CNTN4: variants seen among roughly 807,000 people sequenced by gnomAD.
CNTN4 encodes contactin 4.
CNTN4 carries 77 observed loss-of-function variants against 122.5 expected under a neutral mutation model. The ratio of observed to expected loss-of-function variants is 0.63; its 90% CI spans 0.52 to 0.76. The LOEUF (loss-of-function observed/expected upper bound fraction) is 0.76, where lower values mean the gene tolerates loss of function less well. CNTN4 is among the 30% of genes least tolerant of loss of function. CNTN4 has a pLI of 0.00. For synonymous variants in CNTN4, 512 were observed against 447.0 expected (o/e 1.15, Z -1.83); for missense variants, 1,256 against 1,259.1 (o/e 1.00, Z 0.04).
intron 2 of CNTN4, among the ~76,000 whole-genome samples, chr3:2,255,522 A>G (rs2149708635): frequency 6.6e-6 from 1 of 151,962 alleles, no homozygotes; most frequent in South Asian, 2.1e-4. Context: ...ATTGGAAGTA[A>G]ACTCTAATAA....
At chr3:2,383,619 C>T (rs1377800203) in intron 3 of CNTN4, among the ~76,000 whole-genome samples, 3 of 151,516 alleles carry the variant, frequency 2.0e-5, no homozygotes. Flanking sequence ...TGCTCCCTCT[C>T]CCTCTCTCCC....
intron 8 of CNTN4, among the ~76,000 whole-genome samples, chr3:2,867,899 G>T (rs1157234423): frequency 4.6e-5 from 7 of 152,096 alleles, no homozygotes; most frequent in Non-Finnish European, 7.4e-5. Context: ...CACCTCTGCT[G>T]CACCTGGTTT....
intron 16 of CNTN4, among the ~76,000 whole-genome samples, chr3:3,031,315 T>C (rs1368322530): frequency 6.6e-6 from 1 of 152,176 alleles, no homozygotes; most frequent in Non-Finnish European, 1.5e-5. Context: ...AAACTGTCCC[T>C]TTTTATGTTT....
intron 4 of CNTN4, among the ~76,000 whole-genome samples, chr3:2,686,595 C>G (rs140180892): frequency 5.9e-4 from 90 of 152,208 alleles, no homozygotes; most frequent in African/African-American, 2.1e-3. Flanking sequence ...ACAATGATCA[C>G]CACAATCAAG....
intron 4 of CNTN4, among the ~76,000 whole-genome samples, chr3:2,581,413 T>A (rs552509161): frequency 6.6e-6 from 1 of 152,232 alleles, no homozygotes; most frequent in East Asian, 1.9e-4. Context: ...AAGGCAGAAA[T>A]TATCAGTATC....
At chr3:2,241,579 C>G (rs1332250904) in intron 2 of CNTN4, among the ~76,000 whole-genome samples, 1 of 152,156 alleles carries the variant, frequency 6.6e-6, no homozygotes, top group East Asian at 1.9e-4. Context: ...TCTGCAATGT[C>G]TTTCAGATGT....
intron 3 of CNTN4, among the ~76,000 whole-genome samples, chr3:2,427,828 G>T (rs1371777914): frequency 6.6e-6 from 1 of 151,826 alleles, no homozygotes; most frequent in African/African-American, 2.4e-5. Context: ...ATATGTAATG[G>T]CCTTCTTTGT....
intron 4 of CNTN4, among the ~76,000 whole-genome samples, chr3:2,597,949 A>T (rs1248417707): frequency 6.6e-6 from 1 of 152,146 alleles, no homozygotes; most frequent in Non-Finnish European, 1.5e-5. Context: ...ATTTTTCCTT[A>T]CCTAATGAAC....
intron 12 of CNTN4, among the ~76,000 whole-genome samples, chr3:2,912,129 G>C (rs912448427): frequency 2.0e-4 from 30 of 152,118 alleles, no homozygotes; most frequent in Non-Finnish European, 2.1e-4. Context: ...TCTACACTGA[G>C]ACACATTATA....
intron 6 of CNTN4, among the ~76,000 whole-genome samples, 153 bp from the exon 7 acceptor site, chr3:2,819,333 G>A (rs537479705): frequency 3.5e-4 from 54 of 152,302 alleles, no homozygotes; most frequent in African/African-American, 1.1e-3. Flanking sequence ...ATGGGACAAT[G>A]TCATATGAAA....
At chr3:2,109,342 A>G (rs1256627196) in intron 2 of CNTN4, among the ~76,000 whole-genome samples, 1 of 152,172 alleles carries the variant, frequency 6.6e-6, no homozygotes, top group Non-Finnish European at 1.5e-5. Context: ...AGGGCAGTAG[A>G]ATCACTACTC....
intron 2 of CNTN4, among the ~76,000 whole-genome samples, chr3:2,251,829 A>T (rs1408827924): frequency 6.6e-6 from 1 of 151,812 alleles, no homozygotes. Flanking sequence ...AGTTTTATTG[A>T]AGCCACATCA....
In CNTN4 at chr3:2,819,523, G is replaced by T. The variant is rs772247450; in HGVS notation, c.396G>T (p.Val132=). ...TTAAAACAAGAACAAGAAGCACTGT[G>T]TCTGTCCGTCGAGGTCAAGGAATGG... ...DNFKTRTRST[V]SVRRGQGMVL... The change falls in exon 7 of 25, where the codon GTG becomes GTT. Residue 132 remains valine, a synonymous_variant. Coordinates refer to ENST00000418658, the MANE Select transcript of CNTN4 (RefSeq NM_175607.3). The T allele has an allele frequency of 2.0e-5, 33 of 1,614,032 alleles. No homozygotes were observed. Among genetic ancestry groups the T allele is most frequent in the African/African-American group, 2.7e-5 (2 of 74,918 alleles).
Position 3,002,495 on chromosome 3 carries a change from T to A in CNTN4, c.1486+14023T>A, listed in dbSNP as rs149670582. ...TAGGTAACATCCTGAGTTATAAGGGTTGCAAGTAGGATAAAACTTGAGATA... is the reference window on the plus strand; with the variant it reads ...TAGGTAACATCCTGAGTTATAAGGGATGCAAGTAGGATAAAACTTGAGATA... On this transcript the variant is annotated intron_variant, in intron 14 of 24. Coordinates refer to ENST00000418658, the MANE Select transcript of CNTN4 (RefSeq NM_175607.3). Among the ~76,000 whole-genome samples, 640 of 152,084 alleles carry A rather than the reference T, an allele frequency of 4.2e-3. 5 individuals carry two copies. Among genetic ancestry groups the A allele is most frequent in the African/African-American group, 0.013 (540 of 41,462 alleles).
chr3:2,549,078 G>T (rs2078370039), intron 3 of CNTN4, among the ~76,000 whole-genome samples: 1 of 152,168 alleles, frequency 6.6e-6, no homozygotes, highest in African/African-American at 2.4e-5. Flanking sequence ...ATTTGGAGCT[G>T]AGACGTTGGG....
chr3:2,227,036 TATAGAATGTG>T (rs2039310379), intron 2 of CNTN4, among the ~76,000 whole-genome samples: 1 of 152,194 alleles, frequency 6.6e-6, no homozygotes, highest in Non-Finnish European at 1.5e-5. Flanking sequence ...AATTTTGCTG[TATAGAATGTG>T]ATAGAATGTA....
At chr3:2,206,312 G>C (rs1238686899) in intron 2 of CNTN4, among the ~76,000 whole-genome samples, 3 of 151,994 alleles carry the variant, frequency 2.0e-5, no homozygotes, top group Non-Finnish European at 4.4e-5. Context: ...ATCTACAAAG[G>C]CTTCTGTATC....
intron 3 of CNTN4, among the ~76,000 whole-genome samples, chr3:2,339,719 C>A (rs981160921): frequency 1.3e-5 from 2 of 151,918 alleles, no homozygotes; most frequent in Admixed American, 6.6e-5. Context: ...AAATTTTTTC[C>A]TTAATAAAAT....
chr3:2,268,115 A>G (rs200974966), intron 2 of CNTN4, among the ~76,000 whole-genome samples: 44 of 152,224 alleles, frequency 2.9e-4, no homozygotes, highest in African/African-American at 1.0e-3. Context: ...TCTGCTCAAT[A>G]TACTTTGCTA....
Sources: gnomAD v4.1 joint callset for allele counts (sites outside exome capture counted in the v4.1 genomes callset) on GRCh38, gnomAD v4.1.1 for gene constraint, MANE v1.5 for transcripts, NCBI Gene and HGNC (gene_info 2026-07-23, HGNC 2026-07-21) for gene names.